Variants in DNAH11 observed in about 807,000 individuals in gnomAD.
DNAH11 encodes the protein axonemal beta dynein heavy chain 11.
Under a neutral mutation model 526.0 loss-of-function variants are expected in DNAH11, and 442 were observed. The observed-to-expected ratio is 0.84, with a 90% CI of 0.78 to 0.91. DNAH11 has a LOEUF of 0.91. DNAH11 is among the 40% of genes least tolerant of loss of function. The pLI is 0.00. For synonymous variants in DNAH11, 2,461 were observed against 1,935.9 expected, an observed-to-expected ratio of 1.27 and a Z score of -7.12; for missense variants, 6,989 against 5,448.7, an observed-to-expected ratio of 1.28 and a Z score of -8.90.
chr7:21,806,495 A>G (rs865869225), intron 62 of DNAH11, among the ~76,000 whole-genome samples: 9 of 152,196 alleles, frequency 5.9e-5, no homozygotes, highest in Non-Finnish European at 1.3e-4. Context: ...AACCACTTTG[A>G]TAACCATTTT....
At chr7:21,567,950 C>T (rs376871893) in intron 6 of DNAH11, among the ~76,000 whole-genome samples, 3 of 152,078 alleles carry the variant, frequency 2.0e-5, no homozygotes, top group Non-Finnish European at 4.4e-5. Context: ...CTAGACACTA[C>T]GTTGTCTATT....
intron 54 of DNAH11, among the ~76,000 whole-genome samples, chr7:21,762,139 G>C (rs1280004529): frequency 2.6e-5 from 4 of 152,134 alleles, no homozygotes; most frequent in East Asian, 1.9e-4. Flanking sequence ...CCTCCCAGTT[G>C]GTCCCTCCCT....
chr7:21,618,007 G>C (rs986769300), intron 23 of DNAH11, among the ~76,000 whole-genome samples: 1 of 152,170 alleles, frequency 6.6e-6, no homozygotes, highest in African/African-American at 2.4e-5. Flanking sequence ...GCGGAGGCTG[G>C]CTTCCATCTC....
intron 66 of DNAH11, 93 bp downstream of exon 66, chr7:21,842,841 C>A: frequency 9.0e-7 from 1 of 1,116,590 alleles, no homozygotes; most frequent in Non-Finnish European, 1.2e-6. Context: ...AGGATTCCTG[C>A]CCTCTAGAAT....
chr7:21,576,323 C>G (rs544388143), intron 8 of DNAH11, among the ~76,000 whole-genome samples: 19 of 152,308 alleles, frequency 1.2e-4, no homozygotes, highest in African/African-American at 4.6e-4. Flanking sequence ...ACAAACAACC[C>G]TTGAAAATGT....
At chr7:21,863,169 C>T (rs184537304) in intron 69 of DNAH11, among the ~76,000 whole-genome samples, 1 of 151,732 alleles carries the variant, frequency 6.6e-6, no homozygotes, top group Non-Finnish European at 1.5e-5. Context: ...GTCCTTTTAT[C>T]AGCCATTTTG....
intron 25 of DNAH11, among the ~76,000 whole-genome samples, chr7:21,621,633 T>A (rs1192996146): frequency 6.6e-6 from 1 of 151,950 alleles, no homozygotes; most frequent in Non-Finnish European, 1.5e-5. Context: ...CAGGATCAAG[T>A]GGGCTTCATC....
chr7:21,637,574 T>C (rs1383606196), intron 26 of DNAH11, 37 bp from the exon 27 acceptor site: 5 of 1,276,942 alleles, frequency 3.9e-6, no homozygotes, highest in African/African-American at 1.5e-5. Flanking sequence ...AAAAGATTGT[T>C]CTAATATCCA....
At chr7:21,896,108 T>C (rs1200688884) in intron 79 of DNAH11, among the ~76,000 whole-genome samples, 2 of 152,256 alleles carry the variant, frequency 1.3e-5, no homozygotes, top group African/African-American at 4.8e-5. Flanking sequence ...TCTGGAATTG[T>C]AGTTCCACCT....
intron 56 of DNAH11, among the ~76,000 whole-genome samples, chr7:21,777,801 A>G (rs2127981833): frequency 6.6e-6 from 1 of 152,366 alleles, no homozygotes; most frequent in South Asian, 2.1e-4. Context: ...TAGTACAAGT[A>G]GCAGCCATAG....
chr7:21,656,703 A>C (rs1174147166), intron 29 of DNAH11, among the ~76,000 whole-genome samples: 1 of 152,138 alleles, frequency 6.6e-6, no homozygotes, highest in Non-Finnish European at 1.5e-5. Flanking sequence ...GTGGAGAACC[A>C]TTTGGGTTGG....
chr7:21,877,331 T>C (rs1783752479), intron 74 of DNAH11, among the ~76,000 whole-genome samples: 1 of 152,218 alleles, frequency 6.6e-6, no homozygotes, highest in African/African-American at 2.4e-5. Flanking sequence ...TGCCTCAGCC[T>C]CCTGAGTAGC....
chr7:21,564,534 A>G, intron 6 of DNAH11, 137 bp downstream of exon 6: 1 of 611,316 alleles, frequency 1.6e-6, no homozygotes, highest in Non-Finnish European at 2.7e-6. Context: ...ATTTTTGGTA[A>G]CAAAGGCCAG....
chr7:21,606,289 C>A (rs1440503505), intron 18 of DNAH11, 137 bp from the exon 19 acceptor site: 12 of 716,264 alleles, frequency 1.7e-5, no homozygotes, highest in Non-Finnish European at 2.3e-5. Flanking sequence ...TGCCAGTGCA[C>A]TCCAGCCTAG....
intron 68 of DNAH11, among the ~76,000 whole-genome samples, chr7:21,855,970 C>T (rs1041392771): frequency 4.6e-5 from 7 of 151,962 alleles, no homozygotes; most frequent in East Asian, 1.9e-4. Flanking sequence ...GAGGAAGTAA[C>T]GTTTATTTCT....
Position 21,591,206 on chromosome 7 carries a change from C to A in DNAH11, c.2296C>A (p.Leu766Ile). 1 of 1,547,540 alleles carries A rather than the reference C, an allele frequency of 6.5e-7. No individual in the cohort carries two copies. Among genetic ancestry groups the A allele is most frequent in the Non-Finnish European group, 8.7e-7 (1 of 1,152,776 alleles). Reference protein sequence around the residue: ...ILKYIGNLDLLVQGYNKLKQT... With the variant: ...ILKYIGNLDLIVQGYNKLKQT... ...TCAGTACATTGGAAATCTTGACCTT[C>A]TTGTGCAAGGGTATAATAAACTCAA... is the stretch of plus-strand genomic sequence containing the variant. Residue 766 changes from leucine (L) to isoleucine (I), a missense_variant, in exon 14 of 82, where the codon CTT becomes ATT. Coordinates refer to ENST00000409508, the MANE Select transcript of DNAH11 (RefSeq NM_001277115.2).
chr7:21,726,860 C>CAAAAAAAAAAA (rs1166791175), intron 45 of DNAH11, among the ~76,000 whole-genome samples: 2 of 13,812 alleles, frequency 1.4e-4, no homozygotes, highest in African/African-American at 7.7e-4. Flanking sequence ...GACTCTGTCT[C>CAAAAAAAAAAA]AAAAAAAAAA....
chr7:21,690,925 C>A, intron 35 of DNAH11, 44 bp downstream of exon 35: 1 of 1,414,206 alleles, frequency 7.1e-7, no homozygotes, highest in South Asian at 1.2e-5. Context: ...GCACTCATGC[C>A]ACCTAATGTT....
chr7:21,563,473 A>G (rs1783544563), intron 5 of DNAH11, among the ~76,000 whole-genome samples: 1 of 152,170 alleles, frequency 6.6e-6, no homozygotes, highest in South Asian at 2.1e-4. Context: ...TGGGATTACA[A>G]ACATGAACCA....
Sources: gnomAD v4.1 joint callset for allele counts (sites outside exome capture counted in the v4.1 genomes callset) on GRCh38, gnomAD v4.1.1 for gene constraint, MANE v1.5 for transcripts, NCBI Gene and HGNC (gene_info 2026-07-23, HGNC 2026-07-21) for gene names.